Variants in FER1L6 observed in about 807,000 individuals in gnomAD.
FER1L6 encodes fer-1 like family member 6.
FER1L6 carries 177 observed loss-of-function variants against 219.2 expected under a neutral mutation model. That is an observed-to-expected ratio of 0.81 (90% CI 0.71 to 0.91). FER1L6 has a LOEUF of 0.91. Ranked by LOEUF, FER1L6 falls within the 40% of genes least tolerant of loss-of-function variation. The probability of loss-of-function intolerance (pLI) is 0.00; values close to 1 mark genes in which losing one functional copy is unlikely to be tolerated. For synonymous variants in FER1L6, 768 were observed against 824.3 expected, an observed-to-expected ratio of 0.93 and a Z score of 1.17; for missense variants, 2,153 against 2,259.9, an observed-to-expected ratio of 0.95 and a Z score of 0.96.
At chr8:123,990,050 C>T (rs971674277) in intron 12 of FER1L6, among the ~76,000 whole-genome samples, 4 of 152,066 alleles carry the variant, frequency 2.6e-5, no homozygotes, top group East Asian at 3.9e-4. Context: ...GGGCGGATCA[C>T]GAGGTCAGGA....
chr8:124,110,291 A>G (rs1460317580), intron 39 of FER1L6, among the ~76,000 whole-genome samples: 1 of 152,162 alleles, frequency 6.6e-6, no homozygotes, highest in African/African-American at 2.4e-5. Flanking sequence ...ATCAATCCCA[A>G]TTTTATAGAG....
chr8:124,089,140 C>T (rs552123349), intron 33 of FER1L6, among the ~76,000 whole-genome samples: 24 of 152,292 alleles, frequency 1.6e-4, no homozygotes, highest in African/African-American at 3.1e-4. Context: ...CTTTAGCCTG[C>T]GGTGGCGGAG....
intron 17 of FER1L6, 77 bp from the exon 18 acceptor site, chr8:124,023,367 C>T (rs1586603594): frequency 2.1e-6 from 3 of 1,412,258 alleles, no homozygotes; most frequent in Non-Finnish European, 2.9e-6. Context: ...GATAGCAGAA[C>T]TCTGCAAGTG....
At chr8:123,988,244 T>G (rs1335536960) in intron 12 of FER1L6, among the ~76,000 whole-genome samples, 2 of 152,246 alleles carry the variant, frequency 1.3e-5, no homozygotes, top group Non-Finnish European at 1.5e-5. Context: ...TAGCATAATT[T>G]GAAATCAGGT....
intron 2 of FER1L6, among the ~76,000 whole-genome samples, chr8:123,956,864 C>A (rs1190153489): frequency 6.6e-6 from 1 of 152,160 alleles, no homozygotes; most frequent in Non-Finnish European, 1.5e-5. Flanking sequence ...GAATGGGATA[C>A]CTCCTTCTCC....
rs562565428 is a variant in FER1L6, at chr8:123,865,198, C to G, written c.-8+13013C>G. On this transcript the variant is annotated intron_variant, in intron 1 of 40. Transcript: ENST00000522917. Reference sequence around the variant, plus strand: ...TTCTGTTTGTTAGTTTTCCTTCTAACAGACAGGACCCTCAGCTGCAGGTCT... The same window carrying G: ...TTCTGTTTGTTAGTTTTCCTTCTAAGAGACAGGACCCTCAGCTGCAGGTCT... 3.7e-3 allele frequency among the ~76,000 whole-genome samples: 554 copies of G among 148,878 alleles called. 13 individuals are homozygous for G. The highest frequency in any genetic ancestry group is 0.013 in the African/African-American group (515 of 38,924).
Position 124,061,842 on chromosome 8 carries a change from C to G in FER1L6, c.3148-10C>G. On this transcript the variant is annotated splice_polypyrimidine_tract_variant and intron_variant, in intron 24 of 40. Transcript: ENST00000522917. ...CCAGGCCCCTTCTTCATCTCATCCT[C>G]TCTCTGCAGGAACTGCCTGAGAACG... The G allele has an allele frequency of 6.2e-7, 1 of 1,612,918 alleles. No individual in the cohort carries two copies. The highest frequency in any genetic ancestry group is 8.5e-7 in the Non-Finnish European group (1 of 1,179,914).
chr8:123,908,800 A>T (rs1387356955), intron 1 of FER1L6, among the ~76,000 whole-genome samples: 1 of 152,228 alleles, frequency 6.6e-6, no homozygotes, highest in Non-Finnish European at 1.5e-5. Context: ...TCAGGGAATC[A>T]ATATAGACTC....
intron 18 of FER1L6, among the ~76,000 whole-genome samples, chr8:124,030,984 T>C (rs983294558): frequency 5.3e-5 from 8 of 152,208 alleles, no homozygotes; most frequent in African/African-American, 1.9e-4. Flanking sequence ...TATTTATATA[T>C]GGATGATCAC....
In FER1L6 at chr8:123,965,992, A is replaced by T. The variant is rs766809024; in HGVS notation, c.198-15A>T. Reference sequence around the variant, plus strand: ...TTCCTTGATGAAACAAACATATTAAACTTTCTTTTAATAGATCAAAACTGT... The same window carrying T: ...TTCCTTGATGAAACAAACATATTAATCTTTCTTTTAATAGATCAAAACTGT... On this transcript the variant is annotated splice_polypyrimidine_tract_variant and intron_variant, in intron 3 of 40. Coordinates refer to ENST00000522917, the MANE Select transcript of FER1L6 (RefSeq NM_001039112.2). 6.2e-7 allele frequency: 1 copy of T among 1,606,914 alleles called. No individual in the cohort carries two copies.
At position 123,963,359 on chromosome 8, in the gene FER1L6, CT is replaced by C. The variant is rs754481277; in HGVS notation, c.160del (p.Ser54LeufsTer17). The C allele has an allele frequency of 6.2e-7, 1 of 1,614,174 alleles. No individual in the cohort carries two copies. Among genetic ancestry groups the C allele is most frequent in the East Asian group, 2.2e-5 (1 of 44,886 alleles). The part of the protein sequence containing the change: ...GPRGDLVHDD[A>X]SIFPVPSASP... ...AGAGGAGATTTGGTCCATGATGATG[CT>C]TCTATCTTTCCTGTCCCCTCAGCTT... On this transcript the variant is annotated frameshift_variant, in exon 3 of 41. Transcript: ENST00000522917. LOFTEE classifies it high-confidence loss of function.
intron 1 of FER1L6, among the ~76,000 whole-genome samples, chr8:123,923,092 G>C (rs920112098): frequency 6.6e-6 from 1 of 152,170 alleles, no homozygotes; most frequent in Admixed American, 6.5e-5. Flanking sequence ...GCTATGCAGC[G>C]TGGTGATAAT....
At chr8:124,010,477 G>T in intron 13 of FER1L6, 117 bp from the exon 14 acceptor site, 1 of 1,268,008 alleles carries the variant, frequency 7.9e-7, no homozygotes, top group Non-Finnish European at 1.1e-6. Flanking sequence ...AAGTTTGATA[G>T]TTTTTTCATC....
chr8:123,858,409 T>C (rs1422449104), intron 1 of FER1L6, among the ~76,000 whole-genome samples: 1 of 152,230 alleles, frequency 6.6e-6, no homozygotes, highest in Non-Finnish European at 1.5e-5. Flanking sequence ...AAGGCAGTGC[T>C]AGCTGCTGTA....
chr8:124,051,601 A>T (rs1197390040), intron 22 of FER1L6, among the ~76,000 whole-genome samples: 2 of 152,202 alleles, frequency 1.3e-5, no homozygotes, highest in Non-Finnish European at 2.9e-5. Flanking sequence ...AAGATGTCCA[A>T]TTCTACCATG....
intron 1 of FER1L6, among the ~76,000 whole-genome samples, chr8:123,908,968 A>T (rs1438576434): frequency 2.0e-5 from 3 of 152,350 alleles, no homozygotes; most frequent in Admixed American, 6.5e-5. Context: ...TGAACGTAAG[A>T]CAATAGGGAA....
intron 22 of FER1L6, among the ~76,000 whole-genome samples, chr8:124,051,705 TG>T (rs1400430131): frequency 1.3e-5 from 2 of 152,138 alleles, no homozygotes; most frequent in Admixed American, 1.3e-4. Context: ...CCACCAGAGC[TG>T]GGGATTCTGG....
At chr8:123,896,267 G>A (rs1334814797) in intron 1 of FER1L6, among the ~76,000 whole-genome samples, 1 of 152,214 alleles carries the variant, frequency 6.6e-6, no homozygotes. Flanking sequence ...TGCTTTATGT[G>A]TTATTCATTC....
chr8:124,072,096 G>A (rs988006624), intron 31 of FER1L6, among the ~76,000 whole-genome samples: 14 of 152,182 alleles, frequency 9.2e-5, no homozygotes, highest in African/African-American at 2.2e-4. Flanking sequence ...GGACTGTTCC[G>A]TCTGTGTAGT....
Sources: gnomAD v4.1 joint callset for allele counts (sites outside exome capture counted in the v4.1 genomes callset) on GRCh38, gnomAD v4.1.1 for gene constraint, MANE v1.5 for transcripts, NCBI Gene and HGNC (gene_info 2026-07-23, HGNC 2026-07-21) for gene names.